The following ELF4 variants were observed in gnomAD, a reference collection of about 807,000 sequenced individuals.
The protein encoded by ELF4 is ETS-related transcription factor Elf-4.
Under a neutral mutation model 31.7 loss-of-function variants are expected in ELF4, and 10 were observed. That is an observed-to-expected ratio of 0.32 (90% confidence interval 0.19 to 0.54). The LOEUF (loss-of-function observed/expected upper bound fraction) is 0.54. Among genes scored for constraint, ELF4 ranks in the 20% least tolerant of loss-of-function variants. The pLI, the probability that ELF4 is intolerant of heterozygous loss-of-function variation, is 0.95. For missense variants in ELF4, 418 were observed against 522.0 expected, an observed-to-expected ratio of 0.80 and a Z score of 1.94; for synonymous variants, 208 against 226.7, an observed-to-expected ratio of 0.92 and a Z score of 0.74.
At position 130,071,436 on chromosome X, in the gene ELF4, A is replaced by G; in HGVS notation, c.533-17T>C. 8.3e-7 allele frequency: 1 copy of G among 1,205,828 alleles called. No individual in the cohort carries two copies. The highest frequency in any genetic ancestry group is 1.1e-6 in the Non-Finnish European group (1 of 890,730). Reference sequence around the variant, plus strand: ...TCTTCCGGACTATGAGGGAAAGGTGAGTAGGATGAGGAGCAGCTCCCAAGA... The same window carrying G: ...TCTTCCGGACTATGAGGGAAAGGTGGGTAGGATGAGGAGCAGCTCCCAAGA... On this transcript the variant is annotated splice_polypyrimidine_tract_variant and intron_variant, in intron 5 of 8. Coordinates refer to ENST00000308167, the MANE Select transcript of ELF4 (RefSeq NM_001421.4).
At chrX:130,076,384 A>G (rs185756298) in intron 2 of ELF4, among the ~76,000 whole-genome samples, 18 of 111,492 alleles carry the variant, frequency 1.6e-4, no homozygotes, top group African/African-American at 5.5e-4. Context: ...TTAAAAAGAA[A>G]AAACCTCTAT....
In ELF4 at chrX:130,071,398, C is replaced by T. The variant is rs375750801; in HGVS notation, c.554G>A (p.Arg185Gln). 4 of 1,210,062 alleles carry T rather than the reference C, an allele frequency of 3.3e-6. No individual in the cohort carries two copies. The highest frequency in any genetic ancestry group is 4.5e-6 in the Non-Finnish European group (4 of 895,206). ...KKRIRKTKGN[R>Q]STSPVTDPSI... ...GGGGTCAGTGACAGGTGAGGTACTT[C>T]GGTTGCCCTTGGTCTTCCGGACTAT... Residue 185 changes from arginine to glutamine, a missense_variant, in exon 6 of 9, where the codon CGA (arginine) becomes CAA (glutamine). By Grantham distance (43) the Arg-to-Gln change is conservative. This residue lies in a region of ELF4 where 88 missense variants were observed against 92.4 expected (regional missense o/e 0.95). Transcript: ENST00000308167.
chrX:130,078,770 C>CT (rs1208777905), intron 2 of ELF4, among the ~76,000 whole-genome samples: 7 of 85,244 alleles, frequency 8.2e-5, no homozygotes, highest in Non-Finnish European at 1.7e-4. Flanking sequence ...TCTACACACA[C>CT]ACACACACAC....
chrX:130,111,742 G>A (rs376012660), upstream of ELF4, among the ~76,000 whole-genome samples: 5 of 112,148 alleles, frequency 4.5e-5, no homozygotes, highest in East Asian at 1.4e-3. Context: ...CCTGTCCAAA[G>A]CCAGGCTGCT....
rs1404064211 is a variant in ELF4, at chrX:130,067,386, C to T, written c.1327G>A (p.Val443Ile). 5.0e-6 allele frequency: 6 copies of T among 1,210,551 alleles called. No individual in the cohort carries two copies. In the African/African-American group the frequency reaches 5.2e-5, roughly 11 times the overall value. The change falls in exon 9 of 9, where the codon GTT becomes ATT. Residue 443 changes from valine (V) to isoleucine (I), a missense_variant. This residue lies in a region of ELF4 where 260 missense variants were observed against 269.2 expected (regional missense o/e 0.97). Coordinates refer to ENST00000308167, the MANE Select transcript of ELF4 (RefSeq NM_001421.4). Reference sequence around the variant, plus strand: ...GAGGCCGCTGGAACACTCTGGAGAACGAGCTGAGTGGGAGCAGTAGTACTG... The same window carrying T: ...GAGGCCGCTGGAACACTCTGGAGAATGAGCTGAGTGGGAGCAGTAGTACTG... ...PASTTAPTQL[V>I]LQSVPAASTF...
intron 1 of ELF4, among the ~76,000 whole-genome samples, chrX:130,106,560 C>G (rs760730553): frequency 9.0e-6 from 1 of 111,488 alleles, no homozygotes; most frequent in East Asian, 2.8e-4. Context: ...CGAGGCTCAG[C>G]GGCCAGAGAT....
chrX:130,068,037 C>T (rs1353667957), intron 8 of ELF4, among the ~76,000 whole-genome samples: 1 of 111,774 alleles, frequency 8.9e-6, no homozygotes, highest in Non-Finnish European at 1.9e-5. Context: ...GTCTTGAACT[C>T]CTGACCTCAG....
chrX:130,065,663 C>G lies in ELF4; in HGVS notation c.*1058G>C, dbSNP rs1450555203. On this transcript the variant is annotated 3_prime_UTR_variant, in exon 9 of 9. Coordinates refer to ENST00000308167, the MANE Select transcript of ELF4 (RefSeq NM_001421.4). Reference sequence around the variant, plus strand: ...GTGATGCCTGACAGCTGGAAAATGTCAAAAAGTAATCAAGAGGGAGCCCAG... The same window carrying G: ...GTGATGCCTGACAGCTGGAAAATGTGAAAAAGTAATCAAGAGGGAGCCCAG... 1.1e-5 allele frequency: 2 copies of G among 174,496 alleles called. No homozygotes were observed. Among genetic ancestry groups the G allele is most frequent in the Non-Finnish European group, 2.2e-5 (2 of 91,490 alleles). 14.4% of individuals were successfully genotyped at this position (174,496 alleles called of 1,213,427 possible). A position where few individuals can be genotyped will look rare whatever the true frequency, so the allele number is the denominator to read the frequency against.
chrX:130,100,214 G>C (rs1203306760), intron 1 of ELF4, among the ~76,000 whole-genome samples: 1 of 111,879 alleles, frequency 8.9e-6, no homozygotes, highest in Non-Finnish European at 1.9e-5. Flanking sequence ...AAACCCACTT[G>C]ACTGGGAGTG....
chrX:130,096,797 C>T (rs1238320821), intron 1 of ELF4, among the ~76,000 whole-genome samples: 2 of 110,728 alleles, frequency 1.8e-5, no homozygotes, highest in Non-Finnish European at 3.8e-5. Flanking sequence ...ATGGCAGGTC[C>T]AACCTTATGC....
chrX:130,085,496 T>C (rs1603206098), intron 1 of ELF4, among the ~76,000 whole-genome samples: 4 of 112,069 alleles, frequency 3.6e-5, no homozygotes, highest in African/African-American at 1.3e-4. Context: ...CAACCACTCA[T>C]CTGGGCCTCC....
intron 1 of ELF4, among the ~76,000 whole-genome samples, chrX:130,089,817 G>A (rs963411062): frequency 8.9e-6 from 1 of 112,663 alleles, no homozygotes; most frequent in African/African-American, 3.2e-5. Context: ...ATGAAGCCAC[G>A]GCTGGGCGTG....
At chrX:130,090,191 G>A (rs1933034304) in intron 1 of ELF4, among the ~76,000 whole-genome samples, 1 of 110,434 alleles carries the variant, frequency 9.1e-6, no homozygotes, top group Non-Finnish European at 1.9e-5. Context: ...GGCCAATATG[G>A]TGAAGCCTTG....
intron 1 of ELF4, among the ~76,000 whole-genome samples, chrX:130,109,200 A>G (rs773585802): frequency 3.6e-5 from 4 of 111,438 alleles, no homozygotes; most frequent in East Asian, 2.8e-4. Context: ...TGAGTCCCCA[A>G]TGGGCGTGCC....
chrX:130,105,492 T>C (rs1229532551), intron 1 of ELF4, among the ~76,000 whole-genome samples: 2 of 111,043 alleles, frequency 1.8e-5, no homozygotes, highest in Non-Finnish European at 3.8e-5. Context: ...AGTGTGTGTA[T>C]GTGGCAGGGG....
chrX:130,066,677 G>T lies in ELF4; in HGVS notation c.*44C>A. 1.7e-6 allele frequency: 2 copies of T among 1,176,302 alleles called. No homozygotes were observed. Among genetic ancestry groups the T allele is most frequent in the South Asian group, 3.6e-5 (2 of 55,286 alleles). On this transcript the variant is annotated 3_prime_UTR_variant, in exon 9 of 9. Transcript: ENST00000308167. ...TGAAGTCGGTCCCTATGAAAATGCT[G>T]CTCAATTTTGCCTGGTGGGTCACAC...
chrX:130,073,801 C>T (rs767897749), intron 4 of ELF4, among the ~76,000 whole-genome samples: 4 of 112,884 alleles, frequency 3.5e-5, no homozygotes, highest in South Asian at 3.6e-4. Flanking sequence ...CGTGAGCCAC[C>T]GTGCCTGGCC....
chrX:130,090,111 C>T (rs926656731), intron 1 of ELF4, among the ~76,000 whole-genome samples: 3 of 110,239 alleles, frequency 2.7e-5, no homozygotes, highest in Non-Finnish European at 5.7e-5. Context: ...TGGTGGCTCA[C>T]GTCTGTAATC....
chrX:130,101,710 A>G (rs1051807300), intron 1 of ELF4, among the ~76,000 whole-genome samples: 1 of 110,531 alleles, frequency 9.0e-6, no homozygotes, highest in African/African-American at 3.3e-5. Flanking sequence ...GAGGCAGGAG[A>G]ATCGCTTGAA....
Sources: gnomAD v4.1 joint callset for allele counts (sites outside exome capture counted in the v4.1 genomes callset) on GRCh38, gnomAD v4.1.1 for gene constraint, gnomAD v4.1.1 regional missense constraint, MANE v1.5 for transcripts, NCBI Gene and HGNC (gene_info 2026-07-23, HGNC 2026-07-21) for gene names.